The following TMCC1 variants were observed in gnomAD, a reference collection of about 807,000 sequenced individuals.
The protein encoded by TMCC1 is transmembrane and coiled-coil domain family 1, also known as transmembrane and coiled-coil domains protein 1.
Under a neutral mutation model 52.4 loss-of-function variants are expected in TMCC1, and 15 were observed. The observed-to-expected ratio is 0.29, with a 90% CI of 0.19 to 0.44. The LOEUF is 0.44. Ranked by LOEUF, TMCC1 falls within the 20% of genes least tolerant of loss-of-function variation. The probability of loss-of-function intolerance (pLI) is 1.00; values close to 1 mark genes in which losing one functional copy is unlikely to be tolerated. For synonymous variants in TMCC1, 279 were observed against 301.9 expected, an observed-to-expected ratio of 0.92 and a Z score of 0.79; for missense variants, 503 against 806.0, an observed-to-expected ratio of 0.62 and a Z score of 4.55.
chr3:129,851,887 C>A (rs1482975212), intron 2 of TMCC1, among the ~76,000 whole-genome samples: 12 of 152,148 alleles, frequency 7.9e-5, no homozygotes, highest in Non-Finnish European at 1.8e-4. Context: ...TGGTGGCTCA[C>A]GCCCATAATC....
chr3:129,738,684 G>A (rs563905506), intron 4 of TMCC1, among the ~76,000 whole-genome samples: 8 of 152,272 alleles, frequency 5.3e-5, no homozygotes, highest in African/African-American at 1.9e-4. Flanking sequence ...AGCAAAAATG[G>A]AGATAGCGTG....
intron 4 of TMCC1, among the ~76,000 whole-genome samples, chr3:129,696,933 C>T (rs892344148): frequency 2.0e-5 from 3 of 152,214 alleles, no homozygotes; most frequent in African/African-American, 7.2e-5. Context: ...TGTGGCTTTG[C>T]AGGGTACAGC....
At chr3:129,674,674 ACT>A (rs1301194651) in intron 4 of TMCC1, among the ~76,000 whole-genome samples, 2 of 152,168 alleles carry the variant, frequency 1.3e-5, no homozygotes, top group African/African-American at 4.8e-5. Flanking sequence ...GTCGTGATAT[ACT>A]CTGAGTTAGG....
At chr3:129,790,744 T>C (rs2056395731) in intron 4 of TMCC1, among the ~76,000 whole-genome samples, 1 of 152,212 alleles carries the variant, frequency 6.6e-6, no homozygotes, top group Non-Finnish European at 1.5e-5. Context: ...TTCTCCTTAA[T>C]AGAAGTTCTT....
intron 4 of TMCC1, among the ~76,000 whole-genome samples, chr3:129,683,759 G>C (rs1042432188): frequency 1.3e-4 from 19 of 151,940 alleles, no homozygotes; most frequent in Non-Finnish European, 2.6e-4. Flanking sequence ...CTACCTTTTG[G>C]AGTCCCCAGT....
intron 1 of TMCC1, among the ~76,000 whole-genome samples, chr3:129,883,948 G>A (rs1391369041): frequency 6.6e-6 from 1 of 151,926 alleles, no homozygotes; most frequent in Non-Finnish European, 1.5e-5. Context: ...ATTACATACA[G>A]AAAAATAAAC....
chr3:129,829,499 G>A (rs2058811648), intron 3 of TMCC1, among the ~76,000 whole-genome samples: 1 of 146,724 alleles, frequency 6.8e-6, no homozygotes, highest in Non-Finnish European at 1.5e-5. Flanking sequence ...GAGATGATGA[G>A]ATTTTTCCTA....
chr3:129,808,507 A>T (rs1285495801), intron 4 of TMCC1, among the ~76,000 whole-genome samples: 1 of 151,434 alleles, frequency 6.6e-6, no homozygotes, highest in African/African-American at 2.4e-5. Flanking sequence ...TAATAATAAA[A>T]TTTAAAAAAA....
At chr3:129,767,239 C>T (rs577957543) in intron 4 of TMCC1, among the ~76,000 whole-genome samples, 3 of 141,998 alleles carry the variant, frequency 2.1e-5, no homozygotes, top group East Asian at 2.0e-4. Flanking sequence ...CCAGCCTGGG[C>T]GACAGTGAGA....
At chr3:129,891,954 C>G (rs1017485242) in intron 1 of TMCC1, among the ~76,000 whole-genome samples, 3 of 152,168 alleles carry the variant, frequency 2.0e-5, no homozygotes, top group Non-Finnish European at 2.9e-5. Context: ...CACTGGGGTT[C>G]TTCATCAAAT....
chr3:129,706,727 G>A (rs2048273768), intron 4 of TMCC1, among the ~76,000 whole-genome samples: 1 of 152,134 alleles, frequency 6.6e-6, no homozygotes, highest in Non-Finnish European at 1.5e-5. Flanking sequence ...AACAATGATT[G>A]AAATTGTTCA....
chr3:129,830,733 G>A (rs1018136634), intron 3 of TMCC1, among the ~76,000 whole-genome samples: 2 of 152,148 alleles, frequency 1.3e-5, no homozygotes, highest in Admixed American at 6.5e-5. Flanking sequence ...ATGATGTCAA[G>A]GTTAGCTGAG....
At chr3:129,876,518 G>C (rs1201619371) in intron 2 of TMCC1, among the ~76,000 whole-genome samples, 2 of 152,028 alleles carry the variant, frequency 1.3e-5, no homozygotes, top group African/African-American at 2.4e-5. Context: ...AAGGAGCCAG[G>C]TTCAGTGGCT....
chr3:129,887,135 G>A (rs2061743929), intron 1 of TMCC1, among the ~76,000 whole-genome samples: 1 of 152,062 alleles, frequency 6.6e-6, no homozygotes, highest in Admixed American at 6.6e-5. Flanking sequence ...AGCGGTGGTG[G>A]CTGCACATGT....
At chr3:129,780,403 T>C (rs1179704548) in intron 4 of TMCC1, among the ~76,000 whole-genome samples, 2 of 152,078 alleles carry the variant, frequency 1.3e-5, no homozygotes, top group African/African-American at 4.8e-5. Flanking sequence ...CTTTGGCATT[T>C]GACACTAAGC....
chr3:129,726,036 T>G (rs929171408), intron 4 of TMCC1, among the ~76,000 whole-genome samples: 4 of 152,202 alleles, frequency 2.6e-5, no homozygotes, highest in Non-Finnish European at 5.9e-5. Flanking sequence ...TAAATCTGTA[T>G]AGGTACAGAC....
At chr3:129,774,344 A>C (rs2054851893) in intron 4 of TMCC1, among the ~76,000 whole-genome samples, 1 of 152,236 alleles carries the variant, frequency 6.6e-6, no homozygotes, top group Non-Finnish European at 1.5e-5. Flanking sequence ...AAAAGTATCA[A>C]TAGGCTGTAT....
chr3:129,852,365 G>A (rs905622822), intron 2 of TMCC1, among the ~76,000 whole-genome samples: 3 of 149,402 alleles, frequency 2.0e-5, no homozygotes, highest in African/African-American at 4.9e-5. Flanking sequence ...TCCAAGGTAG[G>A]AGAATTGCTT....
At chr3:129,750,423 C>T (rs1030346001) in intron 4 of TMCC1, among the ~76,000 whole-genome samples, 1 of 151,902 alleles carries the variant, frequency 6.6e-6, no homozygotes, top group African/African-American at 2.4e-5. Context: ...AACTCCTGAC[C>T]TCAGGCAATC....
Sources: gnomAD v4.1 joint callset for allele counts (sites outside exome capture counted in the v4.1 genomes callset) on GRCh38, gnomAD v4.1.1 for gene constraint, MANE v1.5 for transcripts, NCBI Gene and HGNC (gene_info 2026-07-23, HGNC 2026-07-21) for gene names.